The following HGSNAT variants were observed in gnomAD, a reference collection of about 807,000 sequenced individuals.
HGSNAT encodes transmembrane protein 76.
In HGSNAT, 59 loss-of-function variants were observed where a neutral mutation model predicts 85.2. The observed-to-expected ratio is 0.69, with a 90% CI of 0.56 to 0.86. The LOEUF (loss-of-function observed/expected upper bound fraction) is 0.86. Among genes scored for constraint, HGSNAT ranks in the 40% least tolerant of loss-of-function variants. The pLI, the probability that HGSNAT is intolerant of heterozygous loss-of-function variation, is 0.00. For missense variants in HGSNAT, 756 were observed against 777.1 expected (o/e 0.97, Z 0.32); for synonymous variants, 321 against 304.5 (o/e 1.05, Z -0.56).
At chr8:43,149,146 T>TAAAG (rs1170321798) in intron 2 of HGSNAT, among the ~76,000 whole-genome samples, 24 of 150,702 alleles carry the variant, frequency 1.6e-4, no homozygotes, top group Admixed American at 6.6e-5. Flanking sequence ...AATAAATAAA[T>TAAAG]AAAGGAATTA....
chr8:43,165,572 A>G (rs1317382237), intron 5 of HGSNAT, among the ~76,000 whole-genome samples: 6 of 152,222 alleles, frequency 3.9e-5, no homozygotes, highest in Non-Finnish European at 8.8e-5. Context: ...CTTGTGCCCA[A>G]CAGTTAGCCA....
chr8:43,183,561 C>A (rs1053502249), intron 11 of HGSNAT, among the ~76,000 whole-genome samples: 1 of 151,832 alleles, frequency 6.6e-6, no homozygotes, highest in African/African-American at 2.4e-5. Flanking sequence ...AACTCCGCCT[C>A]CTGGGTTCAC....
In HGSNAT at chr8:43,201,836, A is replaced by AC. The variant is rs1390324785; in HGVS notation, c.*2267_*2268insC. 2 of 152,200 alleles carry AC rather than the reference A, an allele frequency of 1.3e-5. No homozygotes were observed. The highest frequency in any genetic ancestry group is 2.9e-5 in the Non-Finnish European group (2 of 68,056). 9.4% of individuals were successfully genotyped at this position (152,200 alleles called of 1,614,324 possible). A position where few individuals can be genotyped will look rare whatever the true frequency, so the allele number is the denominator to read the frequency against. ...ACATTTTTAAAGCAAAATGATGTGG[A>AC]TTTTTAAAATAAATATTTAAGTGCT... On this transcript the variant is annotated 3_prime_UTR_variant, in exon 18 of 18. Coordinates refer to ENST00000379644, the MANE Select transcript of HGSNAT (RefSeq NM_152419.3). This position sits in a 1 kb window ranked among gnomAD's most constrained non-coding sequence, Gnocchi z 4.4.
At chr8:43,160,582 A>G (rs536724113) in intron 4 of HGSNAT, among the ~76,000 whole-genome samples, 1 of 152,370 alleles carries the variant, frequency 6.6e-6, no homozygotes, top group Non-Finnish European at 1.5e-5. Context: ...GTTCTCAAAT[A>G]TCCTTCACTT....
chr8:43,150,560 G>A (rs770509681), intron 2 of HGSNAT, among the ~76,000 whole-genome samples: 18 of 152,184 alleles, frequency 1.2e-4, no homozygotes, highest in Admixed American at 7.2e-4. Flanking sequence ...GAGGCCAGGC[G>A]CGGTGGCTCA....
At chr8:43,157,037 A>C (rs576941203) in intron 2 of HGSNAT, among the ~76,000 whole-genome samples, 1 of 152,210 alleles carries the variant, frequency 6.6e-6, no homozygotes, top group Non-Finnish European at 1.5e-5. Flanking sequence ...AAGCCAGATT[A>C]GTATGGCTAT....
At chr8:43,172,745 G>C (rs979488080) in intron 8 of HGSNAT, among the ~76,000 whole-genome samples, 1 of 152,212 alleles carries the variant, frequency 6.6e-6, no homozygotes, top group Non-Finnish European at 1.5e-5. Context: ...TGGGGGCTCT[G>C]TCTTCTAGGA....
chr8:43,167,690 C>T (rs957919802), intron 5 of HGSNAT, among the ~76,000 whole-genome samples: 2 of 152,068 alleles, frequency 1.3e-5, no homozygotes, highest in Non-Finnish European at 2.9e-5. Flanking sequence ...GTGTCTTGAG[C>T]TATGCCTGTA....
intron 10 of HGSNAT, among the ~76,000 whole-genome samples, chr8:43,179,655 CG>C (rs1803972820): frequency 6.9e-5 from 1 of 14,424 alleles, no homozygotes; most frequent in Non-Finnish European, 1.3e-4. Context: ...ACTGGCCAGG[CG>C]GGGGGCTGAT....
At chr8:43,147,723 G>A (rs1286431714) in intron 2 of HGSNAT, among the ~76,000 whole-genome samples, 3 of 152,052 alleles carry the variant, frequency 2.0e-5, no homozygotes, top group Admixed American at 2.0e-4. Context: ...ATAAAGGTGG[G>A]AACAGGAGAC....
Position 43,147,077 on chromosome 8 carries a change from C to A in HGSNAT, c.234+14C>A. The A allele has an allele frequency of 6.8e-7, 1 of 1,460,648 alleles. No individual in the cohort carries two copies. The highest frequency in any genetic ancestry group is 9.5e-7 in the Non-Finnish European group (1 of 1,051,328). The allele number at this position is 1,460,648 out of a possible 1,614,324, so 90.5% of individuals were successfully genotyped here. ...TGCTGTTATCACGTATGTATCAGTT[C>A]ACACTCAGTTCTGTTTGCTTTGGGG... On this transcript the variant is annotated intron_variant, in intron 2 of 17. Coordinates refer to ENST00000379644, the MANE Select transcript of HGSNAT (RefSeq NM_152419.3).
intron 5 of HGSNAT, among the ~76,000 whole-genome samples, chr8:43,163,061 T>C (rs1803317655): frequency 6.6e-6 from 1 of 152,096 alleles, no homozygotes. Context: ...GGTGGGTGCC[T>C]GTAGTCCCAG....
intron 5 of HGSNAT, among the ~76,000 whole-genome samples, chr8:43,167,608 T>A (rs971699864): frequency 3.3e-5 from 5 of 152,202 alleles, no homozygotes; most frequent in East Asian, 3.8e-4. Flanking sequence ...ATACACTGGG[T>A]CACAGAAAAT....
In HGSNAT at chr8:43,199,522, C is replaced by G. The variant is rs765554632; in HGVS notation, c.1861C>G (p.Leu621Val). 6.2e-7 allele frequency: 1 copy of G among 1,605,260 alleles called. No individual in the cohort carries two copies. Among genetic ancestry groups the G allele is most frequent in the Non-Finnish European group, 8.5e-7 (1 of 1,175,472 alleles). Residue 621 changes from leucine to valine, a missense_variant, in exon 18 of 18, where the codon CTC (leucine) becomes GTC (valine). By Grantham distance (32) the Leu-to-Val change is conservative. Coordinates refer to ENST00000379644, the MANE Select transcript of HGSNAT (RefSeq NM_152419.3). ...CATCGTCGCCACTGCCCTCTGGGTG[C>G]TCATTGCCTACATCCTCTATAGAAA... ...QNIVATALWVLIAYILYRKKI... is the reference protein window; with the variant it reads ...QNIVATALWVVIAYILYRKKI...
chr8:43,198,380 C>G (rs557193552), intron 17 of HGSNAT, among the ~76,000 whole-genome samples: 42 of 149,240 alleles, frequency 2.8e-4, no homozygotes, highest in Admixed American at 2.5e-3. Context: ...CTCCGCTTCC[C>G]AGGTTCACGC....
intron 11 of HGSNAT, among the ~76,000 whole-genome samples, chr8:43,190,043 A>G (rs1217242358): frequency 6.6e-6 from 1 of 152,166 alleles, no homozygotes; most frequent in Non-Finnish European, 1.5e-5. Context: ...TATCTGTTCA[A>G]ATGCTGTAAA....
intron 8 of HGSNAT, among the ~76,000 whole-genome samples, chr8:43,172,728 A>G (rs1202921769): frequency 6.6e-6 from 1 of 152,206 alleles, no homozygotes; most frequent in African/African-American, 2.4e-5. Context: ...TACAGCCACC[A>G]TGCTCTTGGG....
chr8:43,148,399 G>A (rs1014451260), intron 2 of HGSNAT, among the ~76,000 whole-genome samples: 9 of 151,638 alleles, frequency 5.9e-5, no homozygotes, highest in Non-Finnish European at 1.2e-4. Context: ...TTATGCTGTC[G>A]TCAAGGTGTT....
chr8:43,197,655 TC>T lies in HGSNAT; in HGVS notation c.1543-16del, dbSNP rs763926604. 3 of 1,584,094 alleles carry T rather than the reference TC, an allele frequency of 1.9e-6. No homozygotes were observed. The Admixed American group carries it at 5.0e-5, about 26-fold the overall frequency. On this transcript the variant is annotated splice_polypyrimidine_tract_variant and intron_variant, in intron 15 of 17. Coordinates refer to ENST00000379644, the MANE Select transcript of HGSNAT (RefSeq NM_152419.3). ...TAATAATATAAAATGTTAACATCCT[TC>T]TCTTCCCCATTACAGGGGCTCATTT...
Sources: allele counts gnomAD v4.1 joint callset (sites outside exome capture counted in the v4.1 genomes callset), GRCh38; gene constraint gnomAD v4.1.1; non-coding constraint Gnocchi (gnomAD v3.1); transcripts MANE v1.5; gene names NCBI Gene and HGNC (gene_info 2026-07-23, HGNC 2026-07-21).